The following EIF2AK2 variants were observed in gnomAD, a reference collection of about 807,000 sequenced individuals.
EIF2AK2 encodes interferon-induced, double-stranded RNA-activated protein kinase.
In EIF2AK2, 40 loss-of-function variants were observed where a neutral mutation model predicts 70.5. That is an observed-to-expected ratio of 0.57 (90% CI 0.44 to 0.74). The LOEUF (loss-of-function observed/expected upper bound fraction) is 0.74. Ranked by LOEUF, EIF2AK2 falls within the 30% of genes least tolerant of loss-of-function variation. EIF2AK2 has a pLI of 0.00. For missense variants in EIF2AK2, 555 were observed against 644.3 expected, an observed-to-expected ratio of 0.86 and a Z score of 1.50; for synonymous variants, 198 against 220.9, an observed-to-expected ratio of 0.90 and a Z score of 0.92.
chr2:37,142,346 T>C (rs1449434647), intron 4 of EIF2AK2, among the ~76,000 whole-genome samples: 1 of 152,150 alleles, frequency 6.6e-6, no homozygotes, highest in Non-Finnish European at 1.5e-5. Context: ...TTGCCCAGGC[T>C]GTTCTCGAAC....
intron 8 of EIF2AK2, 86 bp from the exon 9 acceptor site, chr2:37,137,103 A>G: frequency 2.5e-6 from 3 of 1,190,794 alleles, no homozygotes; most frequent in Non-Finnish European, 3.5e-6. Flanking sequence ...GTATATCTAG[A>G]TGGCTCTCTG....
chr2:37,120,028 T>C lies in EIF2AK2; in HGVS notation c.1179A>G (p.Glu393=). The C allele has an allele frequency of 6.4e-7, 1 of 1,563,936 alleles. No individual in the cohort carries two copies. Reference sequence around the variant, plus strand: ...CCCCTTTTGTTATTTGTTCAAAGAGTTCCAAAGCCAAAACTTTGTCTAGTT... The same window carrying C: ...CCCCTTTTGTTATTTGTTCAAAGAGCTCCAAAGCCAAAACTTTGTCTAGTT... The part of the protein sequence containing the change: ...GEKLDKVLAL[E]LFEQITKGVD... Residue 393 remains glutamate, a synonymous_variant, in exon 13 of 17, where the codon GAA becomes GAG. Transcript: ENST00000233057.
In EIF2AK2 at chr2:37,103,013, G is replaced by A. The variant is rs990500456; in HGVS notation, c.*4260C>T. 2.0e-5 allele frequency: 3 copies of A among 151,788 alleles called. No individual in the cohort carries two copies. Among genetic ancestry groups the A allele is most frequent in the Admixed American group, 1.3e-4 (2 of 15,236 alleles). The allele number at this position is 151,788 out of a possible 1,614,324, so 9.4% of individuals were successfully genotyped here. ...TGGCTCTCAAAATTTCTGTGTGTGT[G>A]TGTGTGTGTGTGCATTTTAATTAGC... is the stretch of plus-strand genomic sequence containing the variant. On this transcript the variant is annotated 3_prime_UTR_variant, in exon 17 of 17. Transcript: ENST00000233057.
intron 8 of EIF2AK2, 67 bp from the exon 9 acceptor site, chr2:37,137,084 C>T: frequency 7.1e-7 from 1 of 1,412,882 alleles, no homozygotes; most frequent in Non-Finnish European, 9.7e-7. Flanking sequence ...TCCCGTTTTC[C>T]TTCCTCCTGT....
chr2:37,144,745 T>C (rs1675467368), intron 4 of EIF2AK2, among the ~76,000 whole-genome samples: 1 of 152,066 alleles, frequency 6.6e-6, no homozygotes, highest in South Asian at 2.1e-4. Context: ...CAAGCCCGGC[T>C]AATGTTTTGT....
intron 1 of EIF2AK2, among the ~76,000 whole-genome samples, chr2:37,150,154 A>C (rs1165408426): frequency 4.6e-5 from 7 of 151,214 alleles, no homozygotes; most frequent in Admixed American, 6.6e-5. Context: ...AAAAAAAAAA[A>C]AAACAAACTT....
At chr2:37,111,453 G>A (rs1300963884) in intron 14 of EIF2AK2, among the ~76,000 whole-genome samples, 1 of 147,120 alleles carries the variant, frequency 6.8e-6, no homozygotes, top group Non-Finnish European at 1.5e-5. Flanking sequence ...AGGCTGCAGT[G>A]CAATGGCGCG....
At chr2:37,132,889 T>C (rs1333200820) in intron 10 of EIF2AK2, among the ~76,000 whole-genome samples, 1 of 152,198 alleles carries the variant, frequency 6.6e-6, no homozygotes, top group Non-Finnish European at 1.5e-5. Context: ...TTGGTTCTGG[T>C]TGATACCTTT....
chr2:37,146,219 G>A (rs576084889), intron 4 of EIF2AK2, among the ~76,000 whole-genome samples: 195 of 152,292 alleles, frequency 1.3e-3, no homozygotes, highest in Middle Eastern at 3.4e-3. Context: ...CAGCCTAGGT[G>A]TGTACTGGTT....
At chr2:37,138,103 C>A (rs1573027002) in intron 8 of EIF2AK2, among the ~76,000 whole-genome samples, 167 bp downstream of exon 8, 5 of 121,946 alleles carry the variant, frequency 4.1e-5, no homozygotes, top group East Asian at 2.5e-4. Context: ...AGGGAGACTC[C>A]ATCTCAAAAA....
chr2:37,125,667 G>C (rs895391782), intron 11 of EIF2AK2, among the ~76,000 whole-genome samples: 1 of 152,214 alleles, frequency 6.6e-6, no homozygotes, highest in African/African-American at 2.4e-5. Context: ...CCTAAGATAG[G>C]CTGTAGTCAA....
intron 12 of EIF2AK2, 62 bp downstream of exon 12, chr2:37,122,444 T>G: frequency 6.4e-7 from 1 of 1,560,172 alleles, no homozygotes; most frequent in East Asian, 2.2e-5. Flanking sequence ...CAGTGGCCCA[T>G]ACATAGTAAA....
intron 8 of EIF2AK2, among the ~76,000 whole-genome samples, chr2:37,137,250 C>G (rs1003924734): frequency 2.0e-5 from 3 of 152,164 alleles, no homozygotes; most frequent in African/African-American, 7.2e-5. Flanking sequence ...TTTCCTGATT[C>G]CTAGTAAAGC....
At chr2:37,155,445 T>C (rs1675888937) in intron 1 of EIF2AK2, among the ~76,000 whole-genome samples, 1 of 152,162 alleles carries the variant, frequency 6.6e-6, no homozygotes. Context: ...TATAGTGCAA[T>C]ATCTGCATTC....
intron 5 of EIF2AK2, among the ~76,000 whole-genome samples, chr2:37,140,607 C>CCG (rs1553339039): frequency 1.3e-5 from 2 of 151,726 alleles, no homozygotes; most frequent in African/African-American, 4.9e-5. Flanking sequence ...ACTGCCCCCC[C>CCG]CCGCAAACAG....
intron 4 of EIF2AK2, among the ~76,000 whole-genome samples, chr2:37,144,311 T>TA (rs1460088149): frequency 6.6e-6 from 1 of 151,778 alleles, no homozygotes; most frequent in Admixed American, 6.6e-5. Flanking sequence ...CTTACTGGTT[T>TA]ATATATTTAC....
intron 1 of EIF2AK2, among the ~76,000 whole-genome samples, chr2:37,156,430 T>C (rs1265893591): frequency 4.0e-5 from 6 of 151,652 alleles, no homozygotes; most frequent in Non-Finnish European, 7.4e-5. Context: ...GGATACGGAG[T>C]GGGAACAGGA....
At chr2:37,153,337 C>CTTTTTTTTTTTTTTTTTTTTTTTTT (rs1553340565) in intron 1 of EIF2AK2, among the ~76,000 whole-genome samples, 1 of 109,866 alleles carries the variant, frequency 9.1e-6, no homozygotes, top group African/African-American at 3.3e-5. Context: ...CTCTGCTAAT[C>CTTTTTTTTTTTTTTTTTTTTTTTTT]TTTTTTTTTT....
chr2:37,117,647 G>C (rs1258480512), intron 13 of EIF2AK2, among the ~76,000 whole-genome samples: 2 of 152,186 alleles, frequency 1.3e-5, no homozygotes, highest in Non-Finnish European at 2.9e-5. Context: ...CTTCACCTAG[G>C]AGGCACAGGA....
Sources: allele counts gnomAD v4.1 joint callset (sites outside exome capture counted in the v4.1 genomes callset), GRCh38; gene constraint gnomAD v4.1.1; transcripts MANE v1.5; gene names NCBI Gene and HGNC (gene_info 2026-07-23, HGNC 2026-07-21).